The following NFIB variants were observed in gnomAD, a reference collection of about 807,000 sequenced individuals.
NFIB encodes nuclear factor I B, also known as nuclear factor 1 B-type.
In NFIB, 11 loss-of-function variants were observed where a neutral mutation model predicts 61.5. That is an observed-to-expected ratio of 0.18 (90% CI 0.11 to 0.30). The LOEUF is 0.30. NFIB is among the 10% of genes least tolerant of loss of function. NFIB has a pLI of 1.00. For synonymous variants in NFIB, 260 were observed against 216.5 expected (o/e 1.20, Z -1.76); for missense variants, 471 against 608.9 (o/e 0.77, Z 2.38).
intron 1 of NFIB, chr9:14,362,486 G>C (rs1269735622): frequency 2.0e-5 from 3 of 152,162 alleles, no homozygotes; most frequent in Admixed American, 6.5e-5. Flanking sequence ...GCTGCCTTGG[G>C]ATGCCTCAGG....
chr9:14,295,903 G>C (rs2059415688), intron 2 of NFIB, among the ~76,000 whole-genome samples: 1 of 152,162 alleles, frequency 6.6e-6, no homozygotes, highest in African/African-American at 2.4e-5. Flanking sequence ...AATATACCTA[G>C]ATTGATCAAT....
chr9:14,399,747 A>G (rs1409048534), upstream of NFIB, among the ~76,000 whole-genome samples: 1 of 152,184 alleles, frequency 6.6e-6, no homozygotes, highest in African/African-American at 2.4e-5. Flanking sequence ...AAATACTGCA[A>G]TATTCAGTGA....
intron 10 of NFIB, among the ~76,000 whole-genome samples, chr9:14,091,108 T>C (rs971050655): frequency 1.3e-5 from 2 of 152,036 alleles, no homozygotes; most frequent in Non-Finnish European, 2.9e-5. Context: ...TTGTCAATAC[T>C]GTTTATGAAC....
At chr9:14,336,827 G>T (rs183298195) in intron 1 of NFIB, among the ~76,000 whole-genome samples, 1 of 152,088 alleles carries the variant, frequency 6.6e-6, no homozygotes, top group African/African-American at 2.4e-5. Flanking sequence ...AGTTGAAACT[G>T]GGCATTTTGT....
chr9:14,137,620 C>G (rs1417407718), intron 6 of NFIB, among the ~76,000 whole-genome samples: 1 of 152,084 alleles, frequency 6.6e-6, no homozygotes, highest in Non-Finnish European at 1.5e-5. Context: ...TGTCTAAGAC[C>G]ACACCAGTAT....
At position 14,307,518 on chromosome 9, in the gene NFIB, A is replaced by G; in HGVS notation, c.33T>C (p.Asp11=). 1 of 1,598,660 alleles carries G rather than the reference A, an allele frequency of 6.3e-7. No homozygotes were observed. Among genetic ancestry groups the G allele is most frequent in the African/African-American group, 1.3e-5 (1 of 74,610 alleles). The change falls in exon 2 of 11, where the codon GAT becomes GAC. Residue 11 remains aspartate, a splice_region_variant and synonymous_variant. Transcript: ENST00000380953. The surrounding 1 kb of genome is among the most constrained non-coding windows in gnomAD (Gnocchi z 5.3). The part of the protein sequence containing the change: MMYSPICLTQ[D]EFHPFIEALL... ...GTGCCTCGATGAATGGGTGAAATTC[A>G]TCCTGTGGAAGACAGAGGGGTGAGG...
rs58416165 is a variant in NFIB at position 14,306,250 on chromosome 9, G to A, written c.562+739C>T. On this transcript the variant is annotated intron_variant, in intron 2 of 10. Coordinates refer to ENST00000380953, the MANE Select transcript of NFIB (RefSeq NM_001190737.2). ...TTTTTTGTTCTGTAAGCAGCGCTGCGACTTTCCTCCTCGGTAAGTTTTATG... is the reference window on the plus strand; with the variant it reads ...TTTTTTGTTCTGTAAGCAGCGCTGCAACTTTCCTCCTCGGTAAGTTTTATG... Among the ~76,000 whole-genome samples, 632 of 152,104 alleles carry A rather than the reference G, an allele frequency of 4.2e-3. 17 individuals carry two copies. Among genetic ancestry groups the A allele is most frequent in the Admixed American group, 0.028 (427 of 15,266 alleles).
intron 2 of NFIB, among the ~76,000 whole-genome samples, chr9:14,277,128 A>T (rs1033709398): frequency 6.6e-6 from 1 of 152,142 alleles, no homozygotes; most frequent in Non-Finnish European, 1.5e-5. Context: ...GATTTTTTTT[A>T]AATAACAAGT....
chr9:14,373,637 C>CATGAGT (rs1268755696), intron 1 of NFIB, among the ~76,000 whole-genome samples: 1 of 127,004 alleles, frequency 7.9e-6, no homozygotes, highest in Non-Finnish European at 1.6e-5. Flanking sequence ...TGTGTGTCCA[C>CATGAGT]ATGAGTGTGT....
At chr9:14,527,937 G>C in the NFIB span, among the ~76,000 whole-genome samples, 1 of 152,036 alleles carries the variant, frequency 6.6e-6, no homozygotes, top group Non-Finnish European at 1.5e-5. Context: ...CGGTTATTAG[G>C]TTAGGCAGAA....
At chr9:14,244,245 T>A (rs1231590336) in intron 2 of NFIB, among the ~76,000 whole-genome samples, 1 of 152,202 alleles carries the variant, frequency 6.6e-6, no homozygotes, top group Non-Finnish European at 1.5e-5. Context: ...CTCTATTATA[T>A]AAAAATTCAG....
intron 6 of NFIB, among the ~76,000 whole-genome samples, chr9:14,135,322 C>T (rs548153344): frequency 6.6e-6 from 1 of 152,282 alleles, no homozygotes; most frequent in South Asian, 2.1e-4. Flanking sequence ...CCACATTACA[C>T]TGCAAGAAGG....
At chr9:14,415,486 G>C in the NFIB span, among the ~76,000 whole-genome samples, 9 of 152,202 alleles carry the variant, frequency 5.9e-5, no homozygotes, top group Non-Finnish European at 8.8e-5. Flanking sequence ...TCAAAGGCCG[G>C]TGACTGCACA....
In NFIB at chr9:14,098,822, G is replaced by A. The variant is rs749760600; in HGVS notation, c.1468-10496C>T. Among the ~76,000 whole-genome samples, 10 of 152,230 alleles carry A rather than the reference G, an allele frequency of 6.6e-5. 1 individual carries two copies. Among genetic ancestry groups the A allele is most frequent in the Non-Finnish European group, 1.2e-4 (8 of 68,036 alleles). On this transcript the variant is annotated intron_variant, in intron 10 of 10. Coordinates refer to ENST00000380953, the MANE Select transcript of NFIB (RefSeq NM_001190737.2). ...GCACATGTGTGTGCACACACACACA[G>A]TTCACAAAACAGTTCACAAAATTTT...
intron 4 of NFIB, among the ~76,000 whole-genome samples, chr9:14,153,831 G>C (rs997672784): frequency 6.6e-6 from 1 of 152,126 alleles, no homozygotes; most frequent in African/African-American, 2.4e-5. Flanking sequence ...AAGTTTAATT[G>C]TGTAAACAAA....
At position 14,105,274 on chromosome 9, in the gene NFIB, A is replaced by C. The variant is rs543979061; in HGVS notation, c.1467+7725T>G. Among the ~76,000 whole-genome samples, 18 of 152,338 alleles carry C rather than the reference A, an allele frequency of 1.2e-4. No individual in the cohort carries two copies. In the East Asian group the frequency reaches 3.5e-3, roughly 29 times the overall value. On this transcript the variant is annotated intron_variant, in intron 10 of 10. Coordinates refer to ENST00000380953, the MANE Select transcript of NFIB (RefSeq NM_001190737.2). ...ATATGCAATAGAAATATTTTCTCCC[A>C]AACAGAAAAATATGCTTAAGTACAT...
the NFIB span, among the ~76,000 whole-genome samples, chr9:14,470,399 G>C: frequency 2.0e-5 from 3 of 152,048 alleles, no homozygotes; most frequent in African/African-American, 7.3e-5. Flanking sequence ...TCCTATTTCA[G>C]CTTCATGATC....
intron 2 of NFIB, 41 bp downstream of exon 2, chr9:14,306,948 C>A (rs746151445): frequency 1.2e-6 from 2 of 1,600,238 alleles, no homozygotes; most frequent in Admixed American, 1.7e-5. Flanking sequence ...GATTTGTAGG[C>A]GGTGTTTGCC....
At chr9:14,190,945 C>T (rs1276881938) in intron 2 of NFIB, among the ~76,000 whole-genome samples, 1 of 152,162 alleles carries the variant, frequency 6.6e-6, no homozygotes, top group Non-Finnish European at 1.5e-5. Flanking sequence ...TTAATCCCAA[C>T]ACTATGGGAG....
Sources: gnomAD v4.1 joint callset for allele counts (sites outside exome capture counted in the v4.1 genomes callset) on GRCh38, gnomAD v4.1.1 for gene constraint, Gnocchi (gnomAD v3.1) non-coding constraint, MANE v1.5 for transcripts, NCBI Gene and HGNC (gene_info 2026-07-23, HGNC 2026-07-21) for gene names.